Variants in FGF13 observed in about 807,000 individuals in gnomAD.
FGF13 encodes the protein fibroblast growth factor homologous factor 2.
A neutral mutation model predicts 19.5 loss-of-function variants in FGF13; 2 were observed. That is an observed-to-expected ratio of 0.10 (90% CI 0.04 to 0.32). The LOEUF (loss-of-function observed/expected upper bound fraction) is 0.32. FGF13 is among the 10% of genes least tolerant of loss of function. FGF13 has a pLI of 1.00. For missense variants in FGF13, 113 were observed against 192.7 expected, an observed-to-expected ratio of 0.59 and a Z score of 2.45; for synonymous variants, 72 against 76.9, an observed-to-expected ratio of 0.94 and a Z score of 0.33.
intron 1 of FGF13, among the ~76,000 whole-genome samples, chrX:139,005,845 G>A (rs2092099047): frequency 9.4e-6 from 1 of 106,842 alleles, no homozygotes; most frequent in African/African-American, 3.4e-5. Flanking sequence ...CAAAATTAGT[G>A]AACTTGAAGA....
At chrX:139,028,582 C>CGCGTGTGTGT (rs1556339267) in intron 1 of FGF13, among the ~76,000 whole-genome samples, 1 of 61,605 alleles carries the variant, frequency 1.6e-5, no homozygotes, top group African/African-American at 5.6e-5. Flanking sequence ...GGAGAGAGAG[C>CGCGTGTGTGT]GTGTGTGTGT....
At chrX:138,879,984 GA>G (rs1307320924) in intron 1 of FGF13, among the ~76,000 whole-genome samples, 6 of 111,399 alleles carry the variant, frequency 5.4e-5, no homozygotes, top group African/African-American at 2.0e-4. Flanking sequence ...AAATTTACAA[GA>G]AAAAAACAAA....
intron 3 of FGF13, among the ~76,000 whole-genome samples, chrX:138,819,640 T>C (rs749110224): frequency 5.4e-5 from 6 of 111,651 alleles, no homozygotes; most frequent in Non-Finnish European, 1.1e-4. Context: ...GGCCAAATGG[T>C]CTTTTGGTGT....
At chrX:139,081,660 C>G (rs2083371359) in intron 1 of FGF13, among the ~76,000 whole-genome samples, 1 of 111,860 alleles carries the variant, frequency 8.9e-6, no homozygotes, top group African/African-American at 3.3e-5. Flanking sequence ...GCAGTTTTCT[C>G]CAACTCAGTA....
intron 3 of FGF13, among the ~76,000 whole-genome samples, chrX:138,781,002 A>G (rs2090636963): frequency 9.0e-6 from 1 of 111,618 alleles, no homozygotes; most frequent in Non-Finnish European, 1.9e-5. Flanking sequence ...AGAACTCAGG[A>G]TTAATAATCG....
At chrX:138,828,534 C>A in intron 3 of FGF13, among the ~76,000 whole-genome samples, 1 of 104,107 alleles carries the variant, frequency 9.6e-6, no homozygotes, top group Non-Finnish European at 2.0e-5. Context: ...CGCGCCACTG[C>A]ACTCCAGCCT....
intron 1 of FGF13, among the ~76,000 whole-genome samples, chrX:139,100,388 AAG>A (rs1484254073): frequency 9.1e-6 from 1 of 109,907 alleles, no homozygotes; most frequent in East Asian, 2.9e-4. Flanking sequence ...GAGAAAGGGA[AAG>A]AGAGAGGGAA....
intron 1 of FGF13, among the ~76,000 whole-genome samples, chrX:138,942,475 T>C (rs1802357957): frequency 8.9e-6 from 1 of 112,002 alleles, no homozygotes; most frequent in African/African-American, 3.2e-5. Context: ...TGACCCTAGG[T>C]TAGCTGTGTA....
intron 3 of FGF13, among the ~76,000 whole-genome samples, chrX:138,681,464 G>A (rs1334784248): frequency 2.7e-5 from 3 of 112,750 alleles, no homozygotes; most frequent in Non-Finnish European, 3.7e-5. Flanking sequence ...GGTATGGCTG[G>A]TTCTATCTTC....
At chrX:139,004,192 G>C (rs766024352) in intron 1 of FGF13, among the ~76,000 whole-genome samples, 1 of 112,876 alleles carries the variant, frequency 8.9e-6, no homozygotes, top group Non-Finnish European at 1.9e-5. Flanking sequence ...GCTAAGGCTC[G>C]GTGAGAAATC....
intron 3 of FGF13, among the ~76,000 whole-genome samples, chrX:138,651,556 C>T (rs2089373583): frequency 9.0e-6 from 1 of 111,706 alleles, no homozygotes; most frequent in African/African-American, 3.3e-5. Flanking sequence ...TACTTTATTT[C>T]CTTGAGGCCA....
chrX:138,881,937 G>T (rs1299347221), intron 1 of FGF13, among the ~76,000 whole-genome samples: 1 of 109,370 alleles, frequency 9.1e-6, no homozygotes, highest in Non-Finnish European at 1.9e-5. Context: ...TCCTTCCTCT[G>T]CTTGCTTTAT....
intron 1 of FGF13, among the ~76,000 whole-genome samples, chrX:139,167,259 C>A (rs142389398): frequency 8.9e-6 from 1 of 111,815 alleles, no homozygotes; most frequent in African/African-American, 3.3e-5. Context: ...CTTGTATATA[C>A]CCTGTACTTG....
chrX:138,777,096 C>T (rs1335778856), intron 3 of FGF13, among the ~76,000 whole-genome samples: 1 of 111,902 alleles, frequency 8.9e-6, no homozygotes, highest in African/African-American at 3.3e-5. Context: ...TGATCCCTGA[C>T]AGAACAGCAG....
At chrX:138,661,114 T>G (rs771680077) in intron 3 of FGF13, among the ~76,000 whole-genome samples, 1 of 111,500 alleles carries the variant, frequency 9.0e-6, no homozygotes, top group African/African-American at 3.3e-5. Flanking sequence ...AGATAACAAG[T>G]GACCCAAACT....
At chrX:138,882,278 C>A (rs937327410) in intron 1 of FGF13, among the ~76,000 whole-genome samples, 1 of 110,857 alleles carries the variant, frequency 9.0e-6, no homozygotes, top group Non-Finnish European at 1.9e-5. Flanking sequence ...ACTTCTGAGA[C>A]TTATTTTGTA....
chrX:138,673,964 G>A (rs1012785096), intron 3 of FGF13, among the ~76,000 whole-genome samples: 8 of 111,243 alleles, frequency 7.2e-5, no homozygotes, highest in African/African-American at 2.6e-4. Context: ...TTTTCTCTGC[G>A]AATTAAAAGC....
upstream of FGF13, chrX:138,716,016 G>A (rs780218811): frequency 1.1e-4 from 12 of 112,074 alleles, no homozygotes; most frequent in African/African-American, 3.2e-4. Flanking sequence ...CAGCCTAATC[G>A]GGAGCAGCCT....
chrX:138,791,574 G>T (rs2090743015), intron 3 of FGF13, among the ~76,000 whole-genome samples: 1 of 112,190 alleles, frequency 8.9e-6, no homozygotes, highest in Non-Finnish European at 1.9e-5. Context: ...GTATGAAACT[G>T]CAATCAAAGG....
Sources: allele counts gnomAD v4.1 joint callset (sites outside exome capture counted in the v4.1 genomes callset), GRCh38; gene constraint gnomAD v4.1.1; transcripts MANE v1.5; gene names NCBI Gene and HGNC (gene_info 2026-07-23, HGNC 2026-07-21).